The following LYST variants were observed in gnomAD, a reference collection of about 807,000 sequenced individuals.
The protein encoded by LYST is lysosomal trafficking regulator, also known as lysosomal-trafficking regulator.
LYST carries 192 observed loss-of-function variants against 413.6 expected under a neutral mutation model. The observed-to-expected ratio is 0.46, with a 90% CI of 0.41 to 0.52. The LOEUF (loss-of-function observed/expected upper bound fraction) is 0.52. LYST is among the 20% of genes least tolerant of loss of function. LYST has a pLI of 0.00. For missense variants in LYST, 3,815 were observed against 4,499.9 expected (o/e 0.85, Z 4.35); for synonymous variants, 1,525 against 1,567.3 (o/e 0.97, Z 0.64).
In LYST at chr1:235,734,694, A is replaced by C. The variant is rs757597856; in HGVS notation, c.8359-35T>G. ...AAGTAATAATTTTTTAGTCATTTAG[A>C]ATTTTAATTCTTACATTTAAATTAC... is the stretch of plus-strand genomic sequence containing the variant. On this transcript the variant is annotated intron_variant, in intron 31 of 52. Coordinates refer to ENST00000389793, the MANE Select transcript of LYST (RefSeq NM_000081.4). The C allele has an allele frequency of 3.5e-6, 5 of 1,421,714 alleles. No individual in the cohort carries two copies. In the South Asian group the frequency reaches 3.6e-5, roughly 10 times the overall value. The allele number at this position is 1,421,714 out of a possible 1,614,324, so 88.1% of individuals were successfully genotyped here. A position where few individuals can be genotyped will look rare whatever the true frequency, so the allele number is the denominator to read the frequency against.
intron 31 of LYST, among the ~76,000 whole-genome samples, chr1:235,740,422 T>C: frequency 6.6e-6 from 1 of 152,190 alleles, no homozygotes; most frequent in Non-Finnish European, 1.5e-5. Flanking sequence ...ATTCCCTTTC[T>C]CACCGTCCCC....
chr1:235,762,973 A>G (rs1419109296), intron 21 of LYST, 122 bp from the exon 22 acceptor site: 1 of 736,714 alleles, frequency 1.4e-6, no homozygotes, highest in Non-Finnish European at 2.4e-6. Context: ...AGAAAAATAT[A>G]TAGCATACTT....
At chr1:235,793,790 C>A (rs1479236965) in intron 10 of LYST, among the ~76,000 whole-genome samples, 178 bp from the exon 11 acceptor site, 1 of 151,808 alleles carries the variant, frequency 6.6e-6, no homozygotes, top group Non-Finnish European at 1.5e-5. Context: ...GTAAATCAAC[C>A]AACCAACAAA....
intron 10 of LYST, 76 bp downstream of exon 10, chr1:235,800,244 C>T (rs1398978449): frequency 8.9e-6 from 9 of 1,009,266 alleles, no homozygotes; most frequent in Non-Finnish European, 1.4e-5. Flanking sequence ...GCCACCACAC[C>T]TGGCCAGAAG....
rs571507792 is a variant in LYST at position 235,801,038 on chromosome 1, G to A, written c.3772C>T (p.Leu1258Phe). The A allele has an allele frequency of 1.2e-6, 2 of 1,613,666 alleles. No homozygotes were observed. Among genetic ancestry groups the A allele is most frequent in the African/African-American group, 1.3e-5 (1 of 75,038 alleles). Residue 1258 changes from leucine (L) to phenylalanine (F), a missense_variant, in exon 9 of 53, where the codon CTC becomes TTC. By Grantham distance (22) the Leu-to-Phe change is conservative (BLOSUM62 0). Around this residue, in one of 4 missense-constraint regions of LYST, gnomAD observed 1,648 missense variants for 1,810.3 expected, o/e 0.91. Transcript: ENST00000389793. ...FSASSSPNDL[L>F]ENLTQGEIIY... is the part of the protein sequence containing the mutation. ...ATTTCCCCTTGAGTGAGGTTTTCGA[G>A]TAAGTCATTTGGACTGCTTGATGCA...
At chr1:235,785,035 C>T (rs575410854) in intron 14 of LYST, among the ~76,000 whole-genome samples, 1 of 152,276 alleles carries the variant, frequency 6.6e-6, no homozygotes, top group African/African-American at 2.4e-5. Flanking sequence ...TAAAGCAATC[C>T]ACAAGCTCCT....
chr1:235,731,838 G>A (rs188933222), intron 34 of LYST, among the ~76,000 whole-genome samples: 3 of 152,202 alleles, frequency 2.0e-5, no homozygotes, highest in East Asian at 1.9e-4. Context: ...GATTACAGGC[G>A]TGAGCGCCCT....
chr1:235,664,954 C>T lies in LYST; in HGVS notation c.11039-333G>A, dbSNP rs1011089205. ...GACAACAGGTGCACGCCACCACATCCGGCTAATTTTTATATTTTTAGTAGA... is the reference window on the plus strand; with the variant it reads ...GACAACAGGTGCACGCCACCACATCTGGCTAATTTTTATATTTTTAGTAGA... On this transcript the variant is annotated intron_variant, in intron 50 of 52. Transcript: ENST00000389793. The surrounding 1 kb of genome is among the most constrained non-coding windows in gnomAD (Gnocchi z 4.5). Among the ~76,000 whole-genome samples, 9 of 152,070 alleles carry T rather than the reference C, an allele frequency of 5.9e-5. No individual in the cohort carries two copies. Among genetic ancestry groups the T allele is most frequent in the Non-Finnish European group, 1.2e-4 (8 of 68,014 alleles).
At chr1:235,815,751 G>C (rs1049176796) in intron 3 of LYST, among the ~76,000 whole-genome samples, 2 of 152,110 alleles carry the variant, frequency 1.3e-5, no homozygotes, top group African/African-American at 4.8e-5. Context: ...TTTCTACAAT[G>C]AGAATTACAA....
At chr1:235,766,430 ATTGAG>A (rs938378535) in intron 20 of LYST, among the ~76,000 whole-genome samples, 153 bp from the exon 21 acceptor site, 34 of 152,302 alleles carry the variant, frequency 2.2e-4, no homozygotes, top group Admixed American at 1.4e-3. Context: ...AACTCATTAA[ATTGAG>A]TTATTTCCTA....
intron 1 of LYST, among the ~76,000 whole-genome samples, chr1:235,841,484 G>A (rs144524632): frequency 5.9e-5 from 9 of 152,296 alleles, no homozygotes; most frequent in Non-Finnish European, 1.0e-4. Flanking sequence ...AATCATCATG[G>A]TGAGAGTATT....
intron 1 of LYST, among the ~76,000 whole-genome samples, chr1:235,834,790 T>C (rs1478229425): frequency 6.6e-6 from 1 of 152,106 alleles, no homozygotes; most frequent in Non-Finnish European, 1.5e-5. Flanking sequence ...TCTCACCCCC[T>C]CATTCCTCTG....
chr1:235,695,041 T>C (rs1433338781), intron 46 of LYST, among the ~76,000 whole-genome samples: 2 of 152,228 alleles, frequency 1.3e-5, no homozygotes, highest in Non-Finnish European at 2.9e-5. Flanking sequence ...GTTCAGTCAA[T>C]GCCTCTCTAG....
At chr1:235,861,380 T>A (rs1679852931) in intron 1 of LYST, among the ~76,000 whole-genome samples, 1 of 152,206 alleles carries the variant, frequency 6.6e-6, no homozygotes, top group Non-Finnish European at 1.5e-5. Context: ...TTTCCAAACG[T>A]ATTGGACCTC....
chr1:235,851,423 G>A (rs1678525386), intron 1 of LYST, among the ~76,000 whole-genome samples: 1 of 151,718 alleles, frequency 6.6e-6, no homozygotes, highest in East Asian at 1.9e-4. Flanking sequence ...AGGGGGGCGA[G>A]GGATTAAAAG....
chr1:235,864,486 T>C (rs1680264062), intron 1 of LYST, among the ~76,000 whole-genome samples: 1 of 152,098 alleles, frequency 6.6e-6, no homozygotes, highest in Non-Finnish European at 1.5e-5. Flanking sequence ...TCTCACCACC[T>C]CCACCAATTC....
chr1:235,772,732 G>A (rs1009013675), intron 19 of LYST, among the ~76,000 whole-genome samples: 46 of 152,230 alleles, frequency 3.0e-4, no homozygotes, highest in African/African-American at 1.1e-3. Context: ...AGTTAGAAGT[G>A]TATCCATTTC....
intron 45 of LYST, among the ~76,000 whole-genome samples, chr1:235,698,059 A>C (rs541562916): frequency 7.3e-4 from 111 of 152,332 alleles, no homozygotes; most frequent in African/African-American, 2.6e-3. Context: ...ATGCCCTTTT[A>C]AAGAGTTTCC....
At position 235,809,981 on chromosome 1, in the gene LYST, A is replaced by T; in HGVS notation, c.837T>A (p.Ser279=). 1 of 1,613,898 alleles carries T rather than the reference A, an allele frequency of 6.2e-7. No individual in the cohort carries two copies. Among genetic ancestry groups the T allele is most frequent in the East Asian group, 2.2e-5 (1 of 44,826 alleles). ...TGGGCACTACACTGGCTGCTAAAGG[A>T]GAATTATGATTCAAGGTAACGTCAA... ...CKFDVTLNHN[S]PLAASVVPTL... The change falls in exon 5 of 53, where the codon TCT becomes TCA. Residue 279 remains serine, a synonymous_variant. Coordinates refer to ENST00000389793, the MANE Select transcript of LYST (RefSeq NM_000081.4). This position sits in a 1 kb window ranked among gnomAD's most constrained non-coding sequence, Gnocchi z 4.0.
Sources: gnomAD v4.1 joint callset for allele counts (sites outside exome capture counted in the v4.1 genomes callset) on GRCh38, gnomAD v4.1.1 for gene constraint, gnomAD v4.1.1 regional missense constraint, Gnocchi (gnomAD v3.1) non-coding constraint, MANE v1.5 for transcripts, NCBI Gene and HGNC (gene_info 2026-07-23, HGNC 2026-07-21) for gene names.